Variants in FOXP1 observed in about 807,000 individuals in gnomAD.
FOXP1 encodes the protein forkhead box protein P1.
FOXP1 carries 15 observed loss-of-function variants against 98.2 expected under a neutral mutation model. The ratio of observed to expected loss-of-function variants is 0.15; its 90% CI spans 0.10 to 0.24. FOXP1 has a LOEUF of 0.24. FOXP1 is among the 10% of genes least tolerant of loss of function. The pLI, the probability that FOXP1 is intolerant of heterozygous loss-of-function variation, is 1.00. For synonymous variants in FOXP1, 371 were observed against 314.5 expected (o/e 1.18, Z -1.90); for missense variants, 633 against 848.5 (o/e 0.75, Z 3.15).
At chr3:71,583,855 G>C (rs1200131879), upstream of FOXP1, 13 of 985,710 alleles carry the variant, frequency 1.3e-5, no homozygotes, top group Non-Finnish European at 1.6e-5. Flanking sequence ...GCCCGGGGGC[G>C]CACCCCGGCC....
chr3:71,067,939 A>T lies in FOXP1; in HGVS notation c.283-14166T>A, dbSNP rs533418381. ...TTAAAAAATAAAAAATAAAATAAAA[A>T]AAAAATATATACTACAGGCTTCCAA... On this transcript the variant is annotated intron_variant, in intron 7 of 20. Transcript: ENST00000649528. Among the ~76,000 whole-genome samples the T allele has an allele frequency of 3.7e-3, 554 of 150,846 alleles. 2 individuals are homozygous for T. Among genetic ancestry groups the T allele is most frequent in the Middle Eastern group, 0.01 (3 of 294 alleles).
In FOXP1 at chr3:71,053,699, T is replaced by C. The variant is rs2050221644; in HGVS notation, c.357A>G (p.Gln119=). The C allele has an allele frequency of 1.2e-6, 2 of 1,613,948 alleles. No individual in the cohort carries two copies. Among genetic ancestry groups the C allele is most frequent in the Non-Finnish European group, 1.7e-6 (2 of 1,179,990 alleles). ...PQQMQQILQQ[Q]VLSPQQLQVL... ...CCTGGAGCTGCTGAGGGCTCAGCAC[T>C]TGTTGCTGGAGGATCTGCTGCATTT... Residue 119 remains glutamine, a synonymous_variant, in exon 8 of 21, where the codon CAA becomes CAG. Transcript: ENST00000649528.
chr3:71,247,117 A>G (rs1198044065), intron 5 of FOXP1, among the ~76,000 whole-genome samples: 1 of 152,206 alleles, frequency 6.6e-6, no homozygotes, highest in African/African-American at 2.4e-5. Flanking sequence ...AAATCCATCC[A>G]ATATTGGGGA....
chr3:70,970,711 T>A (rs756349561), intron 19 of FOXP1, 25 bp downstream of exon 19: 3 of 1,581,838 alleles, frequency 1.9e-6, no homozygotes, highest in Middle Eastern at 1.7e-4. Context: ...CTCTGCTGCA[T>A]ATTCGGGACG....
At chr3:71,583,748 A>T (rs1461409214), upstream of FOXP1, 2 of 985,630 alleles carry the variant, frequency 2.0e-6, no homozygotes, top group Admixed American at 6.2e-5. Context: ...CCGCCACACA[A>T]TAAATAACAA....
intron 7 of FOXP1, among the ~76,000 whole-genome samples, chr3:71,055,788 T>A (rs550592338): frequency 6.6e-6 from 1 of 152,196 alleles, no homozygotes; most frequent in African/African-American, 2.4e-5. Flanking sequence ...ACGGGGAGGT[T>A]TGATTAAGCA....
intron 5 of FOXP1, among the ~76,000 whole-genome samples, chr3:71,266,706 G>A (rs925997056): frequency 6.6e-6 from 1 of 152,134 alleles, no homozygotes; most frequent in African/African-American, 2.4e-5. Context: ...TATCCACTAA[G>A]TAATTTTTTA....
At chr3:71,487,203 C>T (rs557965581) in intron 3 of FOXP1, among the ~76,000 whole-genome samples, 3 of 151,818 alleles carry the variant, frequency 2.0e-5, no homozygotes, top group South Asian at 4.2e-4. Context: ...AGACATAACA[C>T]AAAAACCAGT....
rs1161741176 is a variant in FOXP1 at position 71,284,765 on chromosome 3, TA to T, written c.-12+15054del. ...AAATGCTCATCATGAAATACTAAAT[TA>T]AAAAAAAAAATGGATACACAAATAC... On this transcript the variant is annotated intron_variant, in intron 5 of 20. Coordinates refer to ENST00000649528, the MANE Select transcript of FOXP1 (RefSeq NM_001349338.3). Among the ~76,000 whole-genome samples, 834 of 146,430 alleles carry T rather than the reference TA, an allele frequency of 5.7e-3. 4 individuals are homozygous for T. Among genetic ancestry groups the T allele is most frequent in the African/African-American group, 0.018 (706 of 40,144 alleles).
intron 3 of FOXP1, among the ~76,000 whole-genome samples, chr3:71,490,835 G>A (rs1256268512): frequency 6.6e-6 from 1 of 152,076 alleles, no homozygotes; most frequent in Non-Finnish European, 1.5e-5. Flanking sequence ...TTGTAATAGT[G>A]AGATTGAGTC....
At chr3:71,268,090 C>CCTTTTTTTTTTTT (rs1553808991) in intron 5 of FOXP1, among the ~76,000 whole-genome samples, 1 of 100,382 alleles carries the variant, frequency 1.0e-5, no homozygotes, top group African/African-American at 3.8e-5. Context: ...CTTTTCTTTT[C>CCTTTTTTTTTTTT]TTTTTTTTTT....
intron 3 of FOXP1, among the ~76,000 whole-genome samples, chr3:71,371,012 G>A (rs2079274735): frequency 6.6e-6 from 1 of 151,892 alleles, no homozygotes; most frequent in Admixed American, 6.6e-5. Context: ...CCTGACCTCA[G>A]GCAATCCACC....
At chr3:71,572,567 A>C (rs565841641) in intron 2 of FOXP1, 1 of 152,366 alleles carries the variant, frequency 6.6e-6, no homozygotes, top group East Asian at 1.9e-4. Flanking sequence ...CTATCAGAAC[A>C]AACCTTGAAC....
At chr3:70,984,019 G>C (rs2039319416) in intron 14 of FOXP1, among the ~76,000 whole-genome samples, 1 of 152,100 alleles carries the variant, frequency 6.6e-6, no homozygotes, top group African/African-American at 2.4e-5. Context: ...ATTTTCATTA[G>C]GGCAGTTTAC....
chr3:71,173,417 ACAC>A lies in FOXP1; in HGVS notation c.180+24782_180+24784del, dbSNP rs534984303. On this transcript the variant is annotated intron_variant, in intron 6 of 20. Coordinates refer to ENST00000649528, the MANE Select transcript of FOXP1 (RefSeq NM_001349338.3). ...CACACACACACACACACACACACAC[ACAC>A]ACTTTTTGCCTTAGTTCTTGCCCTG... Among the ~76,000 whole-genome samples, 43 of 150,876 alleles carry A rather than the reference ACAC, an allele frequency of 2.9e-4. 1 individual carries two copies. The South Asian group carries it at 7.1e-3, about 25-fold the overall frequency.
At chr3:71,518,197 CTTAA>C (rs2107412306) in intron 2 of FOXP1, among the ~76,000 whole-genome samples, 1 of 152,028 alleles carries the variant, frequency 6.6e-6, no homozygotes, top group South Asian at 2.1e-4. Flanking sequence ...CTCTAAGAAA[CTTAA>C]TTAATACAAA....
At chr3:71,052,084 A>G (rs796780862) in intron 9 of FOXP1, among the ~76,000 whole-genome samples, 4 of 152,214 alleles carry the variant, frequency 2.6e-5, no homozygotes, top group African/African-American at 9.6e-5. Flanking sequence ...TTGTTCTAAC[A>G]TTTTTGTTTG....
intron 5 of FOXP1, among the ~76,000 whole-genome samples, chr3:71,209,821 G>A (rs1193346389): frequency 2.0e-5 from 3 of 152,152 alleles, no homozygotes; most frequent in Admixed American, 2.0e-4. Flanking sequence ...CTATTTTACA[G>A]ATACTTTAAC....
intron 3 of FOXP1, among the ~76,000 whole-genome samples, chr3:71,417,292 G>C (rs1173925270): frequency 6.6e-6 from 1 of 152,068 alleles, no homozygotes; most frequent in African/African-American, 2.4e-5. Context: ...GGTTTATTCC[G>C]GCATCTGTTT....
Sources: gnomAD v4.1 joint callset for allele counts (sites outside exome capture counted in the v4.1 genomes callset) on GRCh38, gnomAD v4.1.1 for gene constraint, MANE v1.5 for transcripts, NCBI Gene and HGNC (gene_info 2026-07-23, HGNC 2026-07-21) for gene names.